Variants in ZNF83 observed in about 807,000 individuals in gnomAD.
ZNF83 encodes zinc finger protein 816B.
For missense variants in ZNF83, 552 were observed against 629.9 expected (o/e 0.88, Z 1.32); for synonymous variants, 209 against 213.0 (o/e 0.98, Z 0.17).
rs775547102 is a variant in ZNF83, at chr19:52,614,292, T to A, written c.273A>T (p.Glu91Asp). The change falls in exon 3 of 3, where the codon GAA (glutamate) becomes GAT (aspartate). Residue 91 changes from glutamate (E) to aspartate (D), a missense_variant. Glu to Asp is a conservative substitution (Grantham distance 45, BLOSUM62 2). Transcript: ENST00000301096. ...TGCCACGCTCACTACATTTGTAGTG[T>A]TCTGTCCCAATATTTGCTTTCTCTT... 31 of 1,613,986 alleles carry A rather than the reference T, an allele frequency of 1.9e-5. No homozygotes were observed. The Admixed American group carries it at 4.3e-4, about 23-fold the overall frequency.
intron 2 of ZNF83, among the ~76,000 whole-genome samples, chr19:52,615,647 C>T (rs1181662598): frequency 6.6e-6 from 1 of 152,124 alleles, no homozygotes; most frequent in Admixed American, 6.6e-5. Context: ...AAGAAGGCAC[C>T]ACCCAGGAAG....
intron 2 of ZNF83, among the ~76,000 whole-genome samples, chr19:52,624,371 G>C (rs2147117524): frequency 6.6e-6 from 1 of 152,242 alleles, no homozygotes; most frequent in African/African-American, 2.4e-5. Flanking sequence ...CCTGCCAACT[G>C]TGTCCAGCTG....
At chr19:52,669,994 A>G (rs1277814759) in intron 1 of ZNF83, among the ~76,000 whole-genome samples, 4 of 152,222 alleles carry the variant, frequency 2.6e-5, no homozygotes, top group Non-Finnish European at 4.4e-5. Context: ...TGAGTTCTAA[A>G]TTTCTTTTCA....
At chr19:52,682,089 A>C (rs1248270043) in intron 1 of ZNF83, among the ~76,000 whole-genome samples, 1 of 151,706 alleles carries the variant, frequency 6.6e-6, no homozygotes, top group African/African-American at 2.4e-5. Flanking sequence ...CTCATGATTC[A>C]CCCTCTTCAG....
chr19:52,681,627 A>G (rs2061922787), intron 1 of ZNF83, among the ~76,000 whole-genome samples: 1 of 152,160 alleles, frequency 6.6e-6, no homozygotes, highest in Non-Finnish European at 1.5e-5. Flanking sequence ...AATTACCACA[A>G]ATCAAATAGC....
chr19:52,614,006 T>C, exon 3 of ZNF83: 5 of 1,613,358 alleles, frequency 3.1e-6, no homozygotes, highest in Non-Finnish European at 4.2e-6. Context: ...GAAATTTGAT[T>C]AAAGACCTTG....
At chr19:52,654,598 T>A (rs1276367952) in intron 3 of ZNF83, among the ~76,000 whole-genome samples, 1 of 152,162 alleles carries the variant, frequency 6.6e-6, no homozygotes, top group Non-Finnish European at 1.5e-5. Flanking sequence ...ATGCCTGTAA[T>A]CCCAGCTACT....
rs112973218 is a variant in ZNF83, at chr19:52,630,614, A to G, written c.-234+4452T>C. Among the ~76,000 whole-genome samples the G allele has an allele frequency of 3.1e-3, 476 of 151,696 alleles. 2 individuals carry two copies. The highest frequency in any genetic ancestry group is 4.2e-3 in the Non-Finnish European group (284 of 67,882). On this transcript the variant is annotated intron_variant, in intron 2 of 2. Coordinates refer to ENST00000301096, the Ensembl canonical transcript of ZNF83. ...CATCTCACTGCTGCCCTTCTCCCCA[A>G]CCCAAAGCTTCCTTCGCATCCTCCT...
chr19:52,645,905 T>C (rs965996981), intron 3 of ZNF83, among the ~76,000 whole-genome samples: 1 of 152,014 alleles, frequency 6.6e-6, no homozygotes, highest in Non-Finnish European at 1.5e-5. Context: ...AAAGCAGTTT[T>C]CATGTTCCTG....
At chr19:52,650,187 C>T (rs1176888554) in intron 3 of ZNF83, among the ~76,000 whole-genome samples, 1 of 151,358 alleles carries the variant, frequency 6.6e-6, no homozygotes, top group Non-Finnish European at 1.5e-5. Flanking sequence ...TCTGTCTTTT[C>T]TATCTCCAGT....
intron 1 of ZNF83, among the ~76,000 whole-genome samples, chr19:52,683,929 A>G (rs2061970469): frequency 6.6e-6 from 1 of 152,134 alleles, no homozygotes; most frequent in Admixed American, 6.6e-5. Context: ...CACACAAAGT[A>G]ATCCATGCAG....
At chr19:52,613,778 A>G in exon 3 of ZNF83, 1 of 1,612,458 alleles carries the variant, frequency 6.2e-7, no homozygotes, top group Non-Finnish European at 8.5e-7. Context: ...CATACATTAC[A>G]TCTGTAAGGT....
intron 1 of ZNF83, among the ~76,000 whole-genome samples, chr19:52,683,627 A>G (rs73934829): frequency 0.016 from 2,378 of 152,230 alleles, 69 homozygotes; most frequent in African/African-American, 0.054. Flanking sequence ...CACAGATGAC[A>G]AAAATGGAGA....
upstream of ZNF83, among the ~76,000 whole-genome samples, chr19:52,640,273 A>G (rs999666070): frequency 2.6e-5 from 4 of 152,226 alleles, no homozygotes; most frequent in Admixed American, 2.6e-4. Context: ...CCACCTGGAA[A>G]CACCAACTCC....
At chr19:52,656,348 C>T (rs1207779111) in intron 2 of ZNF83, among the ~76,000 whole-genome samples, 1 of 151,746 alleles carries the variant, frequency 6.6e-6, no homozygotes, top group Non-Finnish European at 1.5e-5. Flanking sequence ...ATTGTGAAAC[C>T]CCATATCTAC....
At chr19:52,690,039 A>G (rs930849556) in intron 1 of ZNF83, among the ~76,000 whole-genome samples, 20 of 152,212 alleles carry the variant, frequency 1.3e-4, no homozygotes, top group East Asian at 1.9e-4. Context: ...GGCAGAGGAC[A>G]CGGCCTCCCC....
At chr19:52,628,413 G>A (rs796951758) in intron 2 of ZNF83, among the ~76,000 whole-genome samples, 3 of 152,062 alleles carry the variant, frequency 2.0e-5, no homozygotes, top group African/African-American at 7.2e-5. Flanking sequence ...TTCAATCTTG[G>A]CACCACACTT....
chr19:52,627,032 T>A (rs1228211450), intron 2 of ZNF83, among the ~76,000 whole-genome samples: 2 of 152,160 alleles, frequency 1.3e-5, no homozygotes, highest in African/African-American at 4.8e-5. Context: ...GACTTGTTCC[T>A]GCCCTGCCCC....
rs188176700 is a variant in ZNF83 at position 52,680,012 on chromosome 19, G to T, written c.-283+10431C>A. The stretch of plus-strand genomic sequence containing the variant: ...CTGACCAACATGGAGAAGTCCTGTC[G>T]CTACTAAAAATACAAAATTAGCCAG... On this transcript the variant is annotated intron_variant, in intron 1 of 5. Transcript: ENST00000594682. Among the ~76,000 whole-genome samples the T allele has an allele frequency of 2.2e-3, 340 of 152,084 alleles. 1 individual carries two copies. Among genetic ancestry groups the T allele is most frequent in the Non-Finnish European group, 4.0e-3 (272 of 67,956 alleles).
Sources: gnomAD v4.1 joint callset for allele counts (sites outside exome capture counted in the v4.1 genomes callset) on GRCh38, gnomAD v4.1.1 for gene constraint, MANE v1.5 for transcripts, NCBI Gene and HGNC (gene_info 2026-07-23, HGNC 2026-07-21) for gene names.